The following WTAP variants were observed in gnomAD, a reference collection of about 807,000 sequenced individuals.
The protein encoded by WTAP is WT1 associated protein.
A neutral mutation model predicts 50.0 loss-of-function variants in WTAP; 8 were observed. The ratio of observed to expected loss-of-function variants is 0.16; its 90% CI spans 0.09 to 0.29. WTAP has a LOEUF of 0.29. Ranked by LOEUF, WTAP falls within the 10% of genes least tolerant of loss-of-function variation. The pLI, the probability that WTAP is intolerant of heterozygous loss-of-function variation, is 1.00. For synonymous variants in WTAP, 194 were observed against 169.0 expected (o/e 1.15, Z -1.15); for missense variants, 295 against 470.7 (o/e 0.63, Z 3.45).
intron 1 of WTAP, 129 bp downstream of exon 1, chr6:159,727,832 G>A: frequency 1.6e-6 from 1 of 643,630 alleles, no homozygotes; most frequent in Non-Finnish European, 1.9e-6. Flanking sequence ...GTGCGGCACC[G>A]GTCTCTCGTG....
Position 159,736,260 on chromosome 6 carries a change from T to A in WTAP, c.-6T>A, listed in dbSNP as rs1455637335. 1.2e-6 allele frequency: 2 copies of A among 1,601,458 alleles called. No individual in the cohort carries two copies. The highest frequency in any genetic ancestry group is 1.7e-6 in the Non-Finnish European group (2 of 1,173,964). ...TTTTCCGCAACTTTTTTTTTTAGGA[T>A]TCAAGATGACCAACGAAGAACCTCT... On this transcript the variant is annotated splice_region_variant and 5_prime_UTR_variant, in exon 2 of 8. Coordinates refer to ENST00000621533, the MANE Select transcript of WTAP (RefSeq NM_001270531.2).
intron 3 of WTAP, among the ~76,000 whole-genome samples, chr6:159,739,369 A>G (rs749146057): frequency 4.6e-5 from 7 of 152,226 alleles, no homozygotes; most frequent in Non-Finnish European, 8.8e-5. Flanking sequence ...ATAATTTACT[A>G]ATGAAGTGAG....
chr6:159,750,153 C>G (rs1779766616), intron 6 of WTAP, among the ~76,000 whole-genome samples: 1 of 152,164 alleles, frequency 6.6e-6, no homozygotes, highest in Non-Finnish European at 1.5e-5. Context: ...GTAACCAGAT[C>G]TGTTTGAAAT....
chr6:159,732,850 T>TTCTC (rs146820451), intron 1 of WTAP, among the ~76,000 whole-genome samples: 26 of 147,754 alleles, frequency 1.8e-4, no homozygotes, highest in East Asian at 1.2e-3. Context: ...GTCTGCTTCT[T>TTCTC]TCTCTCTCTC....
intron 3 of WTAP, among the ~76,000 whole-genome samples, chr6:159,741,229 G>A (rs1419289620): frequency 1.3e-5 from 2 of 152,148 alleles, no homozygotes; most frequent in African/African-American, 4.8e-5. Context: ...ATTCAGGGTA[G>A]AGAAGTATAA....
rs564462327 is a variant in WTAP at position 159,743,660 on chromosome 6, A to G, written c.146-5A>G. On this transcript the variant is annotated splice_polypyrimidine_tract_variant and splice_region_variant and intron_variant, in intron 4 of 7. Transcript: ENST00000621533. ...TGTATTTATAATTTTTTTTTGAATC[A>G]TCAGCTAATGATGTAACTGGCCTAA... The G allele has an allele frequency of 6.3e-7, 1 of 1,584,524 alleles. No homozygotes were observed. Among genetic ancestry groups the G allele is most frequent in the Non-Finnish European group, 8.5e-7 (1 of 1,169,970 alleles).
At chr6:159,753,381 C>A in intron 6 of WTAP, 79 bp from the exon 7 acceptor site, 10 of 1,587,000 alleles carry the variant, frequency 6.3e-6, no homozygotes, top group South Asian at 1.1e-5. Flanking sequence ...GTATGTGTTA[C>A]ATCTATCACT....
At chr6:159,745,717 A>T (rs774300529) in intron 5 of WTAP, among the ~76,000 whole-genome samples, 3 of 152,180 alleles carry the variant, frequency 2.0e-5, no homozygotes, top group Non-Finnish European at 4.4e-5. Context: ...TTAGATTTAC[A>T]TTTTAGGTAG....
At chr6:159,742,031 G>A in intron 3 of WTAP, 57 bp from the exon 4 acceptor site, 1 of 1,253,856 alleles carries the variant, frequency 8.0e-7, no homozygotes. Context: ...ATATCTTCTA[G>A]TTTATTTAAT....
At chr6:159,731,140 C>CA (rs892276964) in intron 1 of WTAP, among the ~76,000 whole-genome samples, 29 of 150,072 alleles carry the variant, frequency 1.9e-4, no homozygotes, top group Non-Finnish European at 2.2e-4. Context: ...GACTACGTCT[C>CA]AAAAAAAAGA....
intron 1 of WTAP, among the ~76,000 whole-genome samples, chr6:159,729,181 C>T (rs1414010147): frequency 1.3e-5 from 2 of 152,258 alleles, no homozygotes; most frequent in East Asian, 1.9e-4. Context: ...AGTATTGAAT[C>T]CCCTTGAATA....
chr6:159,747,367 C>G (rs1779633961), intron 5 of WTAP, among the ~76,000 whole-genome samples: 1 of 152,134 alleles, frequency 6.6e-6, no homozygotes, highest in Non-Finnish European at 1.5e-5. Context: ...TGTAGTCCCG[C>G]TATGGCACTG....
intron 3 of WTAP, among the ~76,000 whole-genome samples, chr6:159,739,754 G>T (rs1779129525): frequency 6.9e-6 from 1 of 145,242 alleles, no homozygotes; most frequent in African/African-American, 2.5e-5. Context: ...AGATTTTGTT[G>T]TTTCCTAGAG....
intron 6 of WTAP, among the ~76,000 whole-genome samples, chr6:159,752,670 C>A (rs73022782): frequency 0.015 from 2,229 of 152,066 alleles, 20 homozygotes; most frequent in Non-Finnish European, 0.025. Flanking sequence ...AAAAAAAAAA[C>A]CTTAACTGCT....
chr6:159,753,265 A>G, intron 6 of WTAP, 195 bp from the exon 7 acceptor site: 1 of 738,138 alleles, frequency 1.4e-6, no homozygotes, highest in South Asian at 1.9e-5. Flanking sequence ...TTTAGGGTTT[A>G]TTTTTACTGC....
At chr6:159,745,501 A>G (rs983519088) in intron 5 of WTAP, among the ~76,000 whole-genome samples, 2 of 151,914 alleles carry the variant, frequency 1.3e-5, no homozygotes, top group African/African-American at 4.8e-5. Context: ...CTGTTCTTCC[A>G]ATTATAATAC....
intron 6 of WTAP, among the ~76,000 whole-genome samples, chr6:159,752,453 T>C (rs1280112742): frequency 1.3e-5 from 2 of 152,232 alleles, no homozygotes; most frequent in African/African-American, 4.8e-5. Context: ...TGGGAAACAT[T>C]TGAGCTTTTC....
At chr6:159,742,042 A>G in intron 3 of WTAP, 46 bp from the exon 4 acceptor site, 1 of 1,346,418 alleles carries the variant, frequency 7.4e-7, no homozygotes, top group Non-Finnish European at 1.0e-6. Flanking sequence ...TTTATTTAAT[A>G]AACTATTTTA....
chr6:159,743,625 A>T lies in WTAP; in HGVS notation c.146-40A>T, dbSNP rs764173508. On this transcript the variant is annotated intron_variant, in intron 4 of 7. Transcript: ENST00000621533. ...TCTTGACAGAGGTATTTAGAACTTG[A>T]TCTTAAAATTGTATTTATAATTTTT... 9.9e-5 allele frequency: 154 copies of T among 1,552,886 alleles called. 1 individual carries two copies. The Admixed American group carries it at 2.9e-3, about 29-fold the overall frequency.
Sources: allele counts gnomAD v4.1 joint callset (sites outside exome capture counted in the v4.1 genomes callset), GRCh38; gene constraint gnomAD v4.1.1; transcripts MANE v1.5; gene names NCBI Gene and HGNC (gene_info 2026-07-23, HGNC 2026-07-21).